RAPGEF6: variants seen among roughly 807,000 people sequenced by gnomAD.
The protein encoded by RAPGEF6 is PDZ domain containing guanine nucleotide exchange factor (GEF) 2.
In RAPGEF6, 56 loss-of-function variants were observed where a neutral mutation model predicts 171.4. The ratio of observed to expected loss-of-function variants is 0.33; its 90% CI spans 0.26 to 0.41. The LOEUF (loss-of-function observed/expected upper bound fraction) is 0.41, where lower values mean the gene tolerates loss of function less well. Among genes scored for constraint, RAPGEF6 ranks in the 10% least tolerant of loss-of-function variants. RAPGEF6 has a pLI of 1.00. For missense variants in RAPGEF6, 1,674 were observed against 1,921.4 expected (o/e 0.87, Z 2.41); for synonymous variants, 692 against 650.1 (o/e 1.06, Z -0.98).
At chr5:131,589,445 G>C (rs2150000246) in intron 4 of RAPGEF6, among the ~76,000 whole-genome samples, 1 of 152,254 alleles carries the variant, frequency 6.6e-6, no homozygotes, top group South Asian at 2.1e-4. Flanking sequence ...CCTTATTTGG[G>C]GGAGAGGGTA....
rs111507683 is a variant in RAPGEF6 at position 131,509,538 on chromosome 5, G to A, written c.805+776C>T. ...AGCCTGGGCGACAGAGTGAGACACCGTCTCAAAAAAAAAAATAAGAGTACA... is the reference window on the plus strand; with the variant it reads ...AGCCTGGGCGACAGAGTGAGACACCATCTCAAAAAAAAAAATAAGAGTACA... On this transcript the variant is annotated intron_variant, in intron 8 of 27. Coordinates refer to ENST00000509018, the MANE Select transcript of RAPGEF6 (RefSeq NM_016340.6). 1.3e-3 allele frequency among the ~76,000 whole-genome samples: 182 copies of A among 145,190 alleles called. 1 individual carries two copies. The highest frequency in any genetic ancestry group is 4.5e-3 in the African/African-American group (161 of 35,760).
At chr5:131,441,084 T>G (rs988532884) in intron 23 of RAPGEF6, among the ~76,000 whole-genome samples, 9 of 152,204 alleles carry the variant, frequency 5.9e-5, no homozygotes, top group Non-Finnish European at 1.3e-4. Context: ...CTTCTCAATG[T>G]TAACTTTTTC....
chr5:131,518,552 C>T (rs967416682), intron 7 of RAPGEF6, among the ~76,000 whole-genome samples: 2 of 151,936 alleles, frequency 1.3e-5, no homozygotes, highest in African/African-American at 4.8e-5. Flanking sequence ...CATGCTCCAT[C>T]ACCCCAGCTA....
intron 6 of RAPGEF6, among the ~76,000 whole-genome samples, chr5:131,527,297 C>T (rs1049038142): frequency 6.6e-6 from 1 of 151,164 alleles, no homozygotes. Context: ...AAAACAACAA[C>T]AACAACAAAA....
At chr5:131,601,772 G>A (rs148826765) in intron 3 of RAPGEF6, among the ~76,000 whole-genome samples, 4 of 152,260 alleles carry the variant, frequency 2.6e-5, no homozygotes, top group Non-Finnish European at 4.4e-5. Context: ...AGTGGCTCAC[G>A]CCTGTAATCA....
intron 7 of RAPGEF6, among the ~76,000 whole-genome samples, chr5:131,516,046 C>CTTTTTTTTTTTTTTT: frequency 2.6e-5 from 1 of 38,464 alleles, no homozygotes; most frequent in Non-Finnish European, 6.4e-5. Context: ...AGATGATATC[C>CTTTTTTTTTTTTTTT]TTTTTTTTTT....
In RAPGEF6 at chr5:131,572,526, C is replaced by T. The variant is rs369303665; in HGVS notation, c.282-10479G>A. Among the ~76,000 whole-genome samples the T allele has an allele frequency of 2.2e-4, 34 of 152,280 alleles. 1 individual carries two copies. In the East Asian group the frequency reaches 6.4e-3, roughly 29 times the overall value. The stretch of plus-strand genomic sequence containing the variant: ...GTCTGATCACCACAGGGACGCCTGC[C>T]TTGATCATTCACCCACATTCCCTTG... On this transcript the variant is annotated intron_variant, in intron 4 of 27. Coordinates refer to ENST00000509018, the MANE Select transcript of RAPGEF6 (RefSeq NM_016340.6).
At chr5:131,461,498 A>C (rs531908881) in intron 19 of RAPGEF6, among the ~76,000 whole-genome samples, 25 of 151,204 alleles carry the variant, frequency 1.7e-4, no homozygotes, top group African/African-American at 6.2e-4. Flanking sequence ...TTTCATTTAC[A>C]AAAAAGAAGT....
At chr5:131,609,360 G>A (rs140806493) in intron 1 of RAPGEF6, among the ~76,000 whole-genome samples, 7 of 152,288 alleles carry the variant, frequency 4.6e-5, no homozygotes, top group Non-Finnish European at 8.8e-5. Flanking sequence ...AAGACAAAAA[G>A]ATCAGGGACA....
At chr5:131,441,961 G>A (rs1752410041) in intron 23 of RAPGEF6, among the ~76,000 whole-genome samples, 1 of 151,898 alleles carries the variant, frequency 6.6e-6, no homozygotes, top group Non-Finnish European at 1.5e-5. Flanking sequence ...TTTCAGAAGG[G>A]GTCTTTAAAG....
At chr5:131,622,675 T>C (rs999888114) in intron 1 of RAPGEF6, among the ~76,000 whole-genome samples, 5 of 152,212 alleles carry the variant, frequency 3.3e-5, no homozygotes, top group African/African-American at 1.2e-4. Context: ...CTGGAAAAGA[T>C]GTTCATCCAG....
In RAPGEF6 at chr5:131,452,076, C is replaced by T. The variant is rs569125871; in HGVS notation, c.3200+978G>A. Reference sequence around the variant, plus strand: ...TCTACTAAAAATACAAAAAATTAGCCGGGCGTAGTGGCAGGCGCCTGTTGT... The same window carrying T: ...TCTACTAAAAATACAAAAAATTAGCTGGGCGTAGTGGCAGGCGCCTGTTGT... On this transcript the variant is annotated intron_variant, in intron 21 of 27. Coordinates refer to ENST00000509018, the MANE Select transcript of RAPGEF6 (RefSeq NM_016340.6). Among the ~76,000 whole-genome samples the T allele has an allele frequency of 1.2e-3, 180 of 152,170 alleles. 1 individual carries two copies. The highest frequency in any genetic ancestry group is 4.2e-3 in the African/African-American group (174 of 41,544).
At chr5:131,442,599 C>T (rs1752457378) in intron 22 of RAPGEF6, 62 bp from the exon 23 acceptor site, 5 of 1,571,816 alleles carry the variant, frequency 3.2e-6, no homozygotes, top group Non-Finnish European at 4.3e-6. Context: ...TCACCACTGG[C>T]AATAATAAAT....
At chr5:131,523,847 T>C (rs187061241) in intron 6 of RAPGEF6, among the ~76,000 whole-genome samples, 1 of 152,086 alleles carries the variant, frequency 6.6e-6, no homozygotes, top group East Asian at 1.9e-4. Context: ...CCCCCATACC[T>C]ATGCACACCA....
At chr5:131,518,077 CACTGTT>C (rs1374380863) in intron 7 of RAPGEF6, among the ~76,000 whole-genome samples, 1 of 151,880 alleles carries the variant, frequency 6.6e-6, no homozygotes, top group Non-Finnish European at 1.5e-5. Flanking sequence ...AGTAGAAAAA[CACTGTT>C]ACTAACTGGT....
At chr5:131,506,869 T>A (rs1308437986) in intron 9 of RAPGEF6, among the ~76,000 whole-genome samples, 1 of 151,890 alleles carries the variant, frequency 6.6e-6, no homozygotes, top group Non-Finnish European at 1.5e-5. Flanking sequence ...GTATATATTT[T>A]ATATTATTGA....
rs1229872704 is a variant in RAPGEF6 at position 131,508,182 on chromosome 5, C to G, written c.831G>C (p.Gln277His). Residue 277 changes from glutamine (Q) to histidine (H), a missense_variant, in exon 9 of 28, where the codon CAG (glutamine) becomes CAC (histidine). By Grantham distance (24) the Gln-to-His change is conservative (BLOSUM62 0). This residue lies in a region of RAPGEF6 where 1,116 missense variants were observed against 1,321.5 expected (regional missense o/e 0.84). Coordinates refer to ENST00000509018, the MANE Select transcript of RAPGEF6 (RefSeq NM_016340.6). ...DIEQLLEFMH[Q>H]LPAFANMTMS... ...TGGTCATGTTTGCAAATGCAGGGAGCTGGTGCATAAACTCCAGCAATTGTT... is the reference window on the plus strand; with the variant it reads ...TGGTCATGTTTGCAAATGCAGGGAGGTGGTGCATAAACTCCAGCAATTGTT... 1.9e-6 allele frequency: 3 copies of G among 1,611,848 alleles called. No homozygotes were observed. The highest frequency in any genetic ancestry group is 2.2e-5 in the South Asian group (2 of 90,708).
chr5:131,518,480 C>A (rs1433920879), intron 7 of RAPGEF6, among the ~76,000 whole-genome samples: 2 of 151,870 alleles, frequency 1.3e-5, no homozygotes, highest in Non-Finnish European at 2.9e-5. Context: ...TCACCGCAAC[C>A]TCCGCCTCCT....
Position 131,492,698 on chromosome 5 carries a change from C to G in RAPGEF6, c.1615G>C (p.Glu539Gln), listed in dbSNP as rs752371058. Residue 539 changes from glutamate (E) to glutamine (Q), a missense_variant, in exon 14 of 28, where the codon GAG (glutamate) becomes CAG (glutamine). By Grantham distance (29) the Glu-to-Gln change is conservative. Transcript: ENST00000509018. Reference protein sequence around the residue: ...RQVVLQKASRESPLQFSLNGG... With the variant: ...RQVVLQKASRQSPLQFSLNGG... Reference sequence around the variant, plus strand: ...TTAAGGCTGAATTGTAGAGGGGACTCGCGGGAAGCCTTTTGCAGCACAACC... The same window carrying G: ...TTAAGGCTGAATTGTAGAGGGGACTGGCGGGAAGCCTTTTGCAGCACAACC... 4 of 1,614,120 alleles carry G rather than the reference C, an allele frequency of 2.5e-6. No homozygotes were observed. The highest frequency in any genetic ancestry group is 3.4e-6 in the Non-Finnish European group (4 of 1,179,986).
Sources: gnomAD v4.1 joint callset for allele counts (sites outside exome capture counted in the v4.1 genomes callset) on GRCh38, gnomAD v4.1.1 for gene constraint, gnomAD v4.1.1 regional missense constraint, MANE v1.5 for transcripts, NCBI Gene and HGNC (gene_info 2026-07-23, HGNC 2026-07-21) for gene names.